Variants in SPTLC3 observed in about 807,000 individuals in gnomAD.
SPTLC3 encodes the protein serine palmitoyltransferase long chain base subunit 3.
Under a neutral mutation model 59.3 loss-of-function variants are expected in SPTLC3, and 36 were observed. That is an observed-to-expected ratio of 0.61 (90% CI 0.47 to 0.80). The LOEUF (loss-of-function observed/expected upper bound fraction) is 0.80. Ranked by LOEUF, SPTLC3 falls within the 30% of genes least tolerant of loss-of-function variation. The pLI, the probability that SPTLC3 is intolerant of heterozygous loss-of-function variation, is 0.00. For synonymous variants in SPTLC3, 257 were observed against 240.8 expected (o/e 1.07, Z -0.62); for missense variants, 625 against 685.1 (o/e 0.91, Z 0.98).
Position 13,126,666 on chromosome 20 carries a change from C to T in SPTLC3, c.1228C>T (p.Gln410Ter), listed in dbSNP as rs1264826477. The change falls in exon 9 of 12, where the codon CAA becomes TAA. Residue 410 changes from glutamine (Q) to a stop codon, truncating the protein, a stop_gained. Transcript: ENST00000399002. LOFTEE classifies it high-confidence loss of function. ...ATCCATGAGCCCACCGATAGCAGAG[C>T]AAATCATCAGATCACTAAAACTTAT... ...ASSMSPPIAE[Q>*]IIRSLKLIMG... The T allele has an allele frequency of 1.9e-6, 3 of 1,613,968 alleles. No individual in the cohort carries two copies. Among genetic ancestry groups the T allele is most frequent in the African/African-American group, 2.7e-5 (2 of 74,916 alleles).
At chr20:13,152,383 T>G (rs2038669151) in intron 9 of SPTLC3, among the ~76,000 whole-genome samples, 1 of 152,154 alleles carries the variant, frequency 6.6e-6, no homozygotes, top group African/African-American at 2.4e-5. Flanking sequence ...GAATTACTCA[T>G]GACACATTTG....
intron 10 of SPTLC3, among the ~76,000 whole-genome samples, chr20:13,158,274 A>G (rs1408757715): frequency 6.6e-6 from 1 of 152,242 alleles, no homozygotes; most frequent in Non-Finnish European, 1.5e-5. Flanking sequence ...ACAGAGGCTC[A>G]TTATATAAAA....
At chr20:13,107,141 A>T (rs1488056296) in intron 6 of SPTLC3, among the ~76,000 whole-genome samples, 2 of 152,236 alleles carry the variant, frequency 1.3e-5, no homozygotes, top group Non-Finnish European at 2.9e-5. Context: ...CCCCAGGGAT[A>T]CTGAGCATAC....
intron 6 of SPTLC3, among the ~76,000 whole-genome samples, chr20:13,107,479 G>T (rs1037151600): frequency 6.6e-6 from 1 of 152,144 alleles, no homozygotes; most frequent in South Asian, 2.1e-4. Context: ...GCTGCCCACG[G>T]TCAAGTAGAA....
At position 13,141,427 on chromosome 20, in the gene SPTLC3, CA is replaced by C. The variant is rs1207638864; in HGVS notation, c.1280-12575del. Among the ~76,000 whole-genome samples the C allele has an allele frequency of 2.6e-5, 4 of 152,338 alleles. No homozygotes were observed. In the East Asian group the frequency reaches 7.7e-4, roughly 29 times the overall value. ...ACTTGGTTTAAAAAAAATCTTCTCA[CA>C]TTTCTCAGTGTCTACCTTGGAAGAG... On this transcript the variant is annotated intron_variant, in intron 9 of 11. Coordinates refer to ENST00000399002, the MANE Select transcript of SPTLC3 (RefSeq NM_018327.4).
chr20:13,095,760 G>A (rs538138092), intron 6 of SPTLC3, among the ~76,000 whole-genome samples: 117 of 152,190 alleles, frequency 7.7e-4, no homozygotes, highest in African/African-American at 2.3e-3. Flanking sequence ...CCTTGCCAGT[G>A]TGCCCTGGGA....
At chr20:13,155,197 G>A (rs1197311428) in intron 10 of SPTLC3, among the ~76,000 whole-genome samples, 1 of 151,608 alleles carries the variant, frequency 6.6e-6, no homozygotes, top group Non-Finnish European at 1.5e-5. Flanking sequence ...AAAAAAAAAA[G>A]GAAGTTAACT....
At chr20:13,063,075 C>T (rs78745871) in intron 2 of SPTLC3, among the ~76,000 whole-genome samples, 1 of 152,308 alleles carries the variant, frequency 6.6e-6, no homozygotes, top group East Asian at 1.9e-4. Flanking sequence ...CTTGCCAGCA[C>T]TTGGTAGATT....
chr20:13,009,252 CTG>C lies in SPTLC3; in HGVS notation c.-14_-13del, dbSNP rs771640742. 1.7e-5 allele frequency: 27 copies of C among 1,611,326 alleles called. No individual in the cohort carries two copies. The highest frequency in any genetic ancestry group is 5.0e-5 in the Admixed American group (3 of 59,966). Reference sequence around the variant, plus strand: ...TCTGAAGGAAAACCTGTCCCGGGCTCTGTCACTTCACACCCATGGCTAACCCT... The same window carrying C: ...TCTGAAGGAAAACCTGTCCCGGGCTCTCACTTCACACCCATGGCTAACCCT... On this transcript the variant is annotated 5_prime_UTR_variant, in exon 1 of 12. Coordinates refer to ENST00000399002, the MANE Select transcript of SPTLC3 (RefSeq NM_018327.4).
intron 6 of SPTLC3, among the ~76,000 whole-genome samples, chr20:13,106,407 G>A (rs1989899726): frequency 6.6e-6 from 1 of 152,084 alleles, no homozygotes; most frequent in Non-Finnish European, 1.5e-5. Context: ...TAGACAAGTC[G>A]GGAGGGACAC....
intron 4 of SPTLC3, among the ~76,000 whole-genome samples, chr20:13,083,766 C>T (rs1717963260): frequency 6.6e-6 from 1 of 152,120 alleles, no homozygotes; most frequent in African/African-American, 2.4e-5. Flanking sequence ...TCCCATTCTT[C>T]AAGATGGAGC....
intron 2 of SPTLC3, among the ~76,000 whole-genome samples, chr20:13,053,014 A>G (rs558751641): frequency 6.6e-6 from 1 of 152,156 alleles, no homozygotes; most frequent in Non-Finnish European, 1.5e-5. Context: ...AGAGAGCAGC[A>G]TATCTCCCAG....
At chr20:13,157,362 G>A (rs1434892777) in intron 10 of SPTLC3, among the ~76,000 whole-genome samples, 2 of 151,904 alleles carry the variant, frequency 1.3e-5, no homozygotes, top group African/African-American at 4.8e-5. Context: ...GCTGGAACCC[G>A]GGAGGTGGAG....
intron 8 of SPTLC3, among the ~76,000 whole-genome samples, chr20:13,126,342 T>TA: frequency 6.6e-6 from 1 of 152,362 alleles, no homozygotes; most frequent in East Asian, 1.9e-4. Context: ...GGTTTTGCCT[T>TA]AAAGTTCAAC....
At position 13,056,343 on chromosome 20, in the gene SPTLC3, G is replaced by A. The variant is rs138404800; in HGVS notation, c.303+7213G>A. ...TTATTATTTGTTCAATTTGAGTCCCGTTAGAGACTTACAGCATTTCAGAGT... is the reference window on the plus strand; with the variant it reads ...TTATTATTTGTTCAATTTGAGTCCCATTAGAGACTTACAGCATTTCAGAGT... On this transcript the variant is annotated intron_variant, in intron 2 of 11. Coordinates refer to ENST00000399002, the MANE Select transcript of SPTLC3 (RefSeq NM_018327.4). Among the ~76,000 whole-genome samples, 67 of 151,982 alleles carry A rather than the reference G, an allele frequency of 4.4e-4. 2 individuals are homozygous for A. Among genetic ancestry groups the A allele is most frequent in the South Asian group, 3.3e-3 (16 of 4,820 alleles).
chr20:13,123,362 A>G (rs369032824), intron 8 of SPTLC3, among the ~76,000 whole-genome samples: 4 of 151,968 alleles, frequency 2.6e-5, no homozygotes, highest in East Asian at 1.9e-4. Flanking sequence ...TGCATCAGGT[A>G]TTCACTGTTT....
chr20:13,157,934 C>T (rs1430392335), intron 10 of SPTLC3, among the ~76,000 whole-genome samples: 2 of 152,182 alleles, frequency 1.3e-5, no homozygotes, highest in African/African-American at 2.4e-5. Flanking sequence ...TCCACATTTC[C>T]TACTATGCAG....
intron 2 of SPTLC3, among the ~76,000 whole-genome samples, chr20:13,056,504 C>G (rs6041822): frequency 0.87 from 129,001 of 148,082 alleles, 56,251 homozygotes; most frequent in East Asian, 0.91. Flanking sequence ...CCCAGGCAGA[C>G]TAATGCAATC....
chr20:13,120,705 A>T (rs566865509), intron 8 of SPTLC3, among the ~76,000 whole-genome samples: 73 of 152,364 alleles, frequency 4.8e-4, no homozygotes, highest in African/African-American at 1.7e-3. Context: ...TAGTATGACG[A>T]TACTACTAGA....
Sources: allele counts gnomAD v4.1 joint callset (sites outside exome capture counted in the v4.1 genomes callset), GRCh38; gene constraint gnomAD v4.1.1; transcripts MANE v1.5; gene names NCBI Gene and HGNC (gene_info 2026-07-23, HGNC 2026-07-21).